Variants in PRKD2 observed in about 807,000 individuals in gnomAD.
PRKD2 encodes the protein protein kinase D2, also known as serine/threonine-protein kinase D2.
In PRKD2, 22 loss-of-function variants were observed where a neutral mutation model predicts 86.0. That is an observed-to-expected ratio of 0.26 (90% CI 0.18 to 0.37). The LOEUF (loss-of-function observed/expected upper bound fraction) is 0.37, where lower values mean the gene tolerates loss of function less well. PRKD2 is among the 10% of genes least tolerant of loss of function. The pLI is 1.00. For synonymous variants in PRKD2, 509 were observed against 510.9 expected (o/e 1.00, Z 0.05); for missense variants, 818 against 1,199.2 (o/e 0.68, Z 4.70).
Position 46,678,690 on chromosome 19 carries a change from C to T in PRKD2, c.2071-27G>A. The T allele has an allele frequency of 1.3e-6, 2 of 1,592,212 alleles. No individual in the cohort carries two copies. The highest frequency in any genetic ancestry group is 1.7e-6 in the Non-Finnish European group (2 of 1,173,846). ...TGCAGAGGGCAAGGGATGGAGGCTC[C>T]ACCAGGTGATGGAGCCGCACCCACC... On this transcript the variant is annotated intron_variant, in intron 15 of 17. Coordinates refer to ENST00000291281, the MANE Select transcript of PRKD2 (RefSeq NM_016457.5). The surrounding 1 kb of genome is among the most constrained non-coding windows in gnomAD (Gnocchi z 5.7).
chr19:46,704,758 C>A lies in PRKD2; in HGVS notation c.512-109G>T, dbSNP rs539907611. 1.2e-5 allele frequency: 17 copies of A among 1,368,898 alleles called. No homozygotes were observed. In the African/African-American group the frequency reaches 1.9e-4, roughly 15 times the overall value. 84.8% of individuals were successfully genotyped at this position (1,368,898 alleles called of 1,614,324 possible). On this transcript the variant is annotated intron_variant, in intron 3 of 17. Coordinates refer to ENST00000291281, the MANE Select transcript of PRKD2 (RefSeq NM_016457.5). ...TCTCTCACCTGGTCCTGTCCCATCA[C>A]CCCCCGCCAGCACGATCTCCTCCAA...
At chr19:46,681,534 G>T in intron 15 of PRKD2, 116 bp downstream of exon 15, 1 of 721,990 alleles carries the variant, frequency 1.4e-6, no homozygotes, top group Non-Finnish European at 2.3e-6. Flanking sequence ...CTGATTACAG[G>T]CAAGAGCCAC....
At chr19:46,715,862 CCCTT>C (rs2053874200) in intron 1 of PRKD2, among the ~76,000 whole-genome samples, 1 of 152,070 alleles carries the variant, frequency 6.6e-6, no homozygotes, top group Non-Finnish European at 1.5e-5. Flanking sequence ...GCTGGCCCCT[CCCTT>C]CCTCCCTGTT....
intron 9 of PRKD2, among the ~76,000 whole-genome samples, chr19:46,694,767 CAT>C (rs1359798908): frequency 6.6e-6 from 1 of 151,904 alleles, no homozygotes; most frequent in Non-Finnish European, 1.5e-5. Flanking sequence ...GGTGCCTGGA[CAT>C]AGTAAAAGCT....
In PRKD2 at chr19:46,704,239, T is replaced by A. The variant is rs147377997; in HGVS notation, c.819A>T (p.Thr273=). 10 of 1,613,990 alleles carry A rather than the reference T, an allele frequency of 6.2e-6. No individual in the cohort carries two copies. In the African/African-American group the frequency reaches 1.3e-4, roughly 22 times the overall value. Residue 273 remains threonine, a synonymous_variant, in exon 5 of 18, where the codon ACA becomes ACT. Coordinates refer to ENST00000291281, the MANE Select transcript of PRKD2 (RefSeq NM_016457.5). The stretch of plus-strand genomic sequence containing the variant: ...TGCAAGCCTGGCAAACGGTGGGCCG[T>A]GTATAGCTGTGGATGAGGAAGGTGT... The part of the protein sequence containing the change: ...VPHTFLIHSY[T]RPTVCQACKK...
At chr19:46,680,946 A>ATATATATATATATATATATTTTTTT in intron 15 of PRKD2, among the ~76,000 whole-genome samples, 3 of 48,234 alleles carry the variant, frequency 6.2e-5, no homozygotes, top group Admixed American at 3.1e-4. Flanking sequence ...ATATATATAT[A>ATATATATATATATATATATTTTTTT]TTTTTTTTTT....
intron 16 of PRKD2, among the ~76,000 whole-genome samples, chr19:46,676,200 G>A (rs549653416): frequency 2.0e-5 from 3 of 152,218 alleles, no homozygotes; most frequent in Non-Finnish European, 2.9e-5. Context: ...AGGCCGAGGC[G>A]GGTGGATCAC....
chr19:46,689,471 T>G, intron 14 of PRKD2, 66 bp downstream of exon 14: 1 of 1,523,732 alleles, frequency 6.6e-7, no homozygotes, highest in Non-Finnish European at 8.8e-7. Flanking sequence ...CCCCTAGGCA[T>G]ACAGGGCCTC....
chr19:46,704,607 G>C lies in PRKD2; in HGVS notation c.554C>G (p.Pro185Arg). 6.2e-7 allele frequency: 1 copy of C among 1,613,654 alleles called. No homozygotes were observed. The highest frequency in any genetic ancestry group is 8.5e-7 in the Non-Finnish European group (1 of 1,179,766). ...TTTGCGGGCCCCACTACAGTTGTTG[G>C]GGATGCTGAAGGCACAGCGCTTGTG... ...NYHKRCAFSI[P>R]NNCSGARKRR... Residue 185 changes from proline to arginine, a missense_variant, in exon 4 of 18, where the codon CCC (proline) becomes CGC (arginine). Physicochemically the swap from Pro to Arg is moderately radical, Grantham distance 103. Transcript: ENST00000291281.
At chr19:46,688,172 G>A (rs1451794847) in intron 14 of PRKD2, among the ~76,000 whole-genome samples, 1 of 152,110 alleles carries the variant, frequency 6.6e-6, no homozygotes, top group African/African-American at 2.4e-5. Flanking sequence ...TTACGGGCAT[G>A]AGCCAGCCTG....
rs571866850 is a variant in PRKD2, at chr19:46,706,623, T to C, written c.512-1974A>G. On this transcript the variant is annotated intron_variant, in intron 3 of 17. Coordinates refer to ENST00000291281, the MANE Select transcript of PRKD2 (RefSeq NM_016457.5). ...GTCATTTGGGGTTCTCTTGCCACCATAGGAACTGGGACCATCATCTGTGAT... is the reference window on the plus strand; with the variant it reads ...GTCATTTGGGGTTCTCTTGCCACCACAGGAACTGGGACCATCATCTGTGAT... Among the ~76,000 whole-genome samples the C allele has an allele frequency of 2.0e-4, 31 of 152,274 alleles. No homozygotes were observed. In the South Asian group the frequency reaches 5.6e-3, roughly 27 times the overall value.
chr19:46,675,238 C>T lies in PRKD2; in HGVS notation c.2339-120G>A, dbSNP rs1367566359. 3.9e-6 allele frequency: 3 copies of T among 777,618 alleles called. No homozygotes were observed. In the African/African-American group the frequency reaches 5.2e-5, roughly 13 times the overall value. 48.2% of individuals were successfully genotyped at this position (777,618 alleles called of 1,614,324 possible). On this transcript the variant is annotated intron_variant, in intron 16 of 17. Transcript: ENST00000291281. ...CTTCCTTCTGCACCAGCTCAGGTGGCTCAGAAGCCTCACCTGTGCCAATCA... is the reference window on the plus strand; with the variant it reads ...CTTCCTTCTGCACCAGCTCAGGTGGTTCAGAAGCCTCACCTGTGCCAATCA...
intron 14 of PRKD2, among the ~76,000 whole-genome samples, chr19:46,682,544 A>T (rs911849726): frequency 6.6e-6 from 1 of 152,168 alleles, no homozygotes; most frequent in Non-Finnish European, 1.5e-5. Context: ...TCAGAATCAT[A>T]GAACCATTTA....
intron 5 of PRKD2, among the ~76,000 whole-genome samples, chr19:46,703,958 A>AACAACACACAC (rs1555830816): frequency 0.027 from 3,645 of 133,642 alleles, 199 homozygotes; most frequent in African/African-American, 0.1. Context: ...AAACAACAAC[A>AACAACACACAC]ACACACACAC....
At chr19:46,714,115 C>A (rs1012162213) in intron 1 of PRKD2, 114 bp from the exon 2 acceptor site, 99 of 1,440,922 alleles carry the variant, frequency 6.9e-5, no homozygotes, top group Non-Finnish European at 8.7e-5. Flanking sequence ...AACGCAGAGA[C>A]CCCGCAGGCC....
intron 3 of PRKD2, among the ~76,000 whole-genome samples, chr19:46,705,902 G>C (rs117579506): frequency 1.3e-5 from 2 of 151,984 alleles, no homozygotes; most frequent in Non-Finnish European, 2.9e-5. Flanking sequence ...CTGTACCCCC[G>C]GCTGAAGCAC....
intron 16 of PRKD2, among the ~76,000 whole-genome samples, chr19:46,677,685 G>T (rs1025437504): frequency 6.6e-5 from 10 of 152,252 alleles, no homozygotes; most frequent in Non-Finnish European, 1.0e-4. Context: ...CACTTCATCA[G>T]GCCCAGCCAC....
At chr19:46,708,982 T>TTTTG (rs1555831887) in intron 3 of PRKD2, among the ~76,000 whole-genome samples, 3 of 140,248 alleles carry the variant, frequency 2.1e-5, no homozygotes. Context: ...GTTTTTTTTT[T>TTTTG]TTTTTTTTTT....
At position 46,689,594 on chromosome 19, in the gene PRKD2, G is replaced by C; in HGVS notation, c.1914C>G (p.Ile638Met). ...EKLHGDMLEMILSSEKGRLPE... is the reference protein window; with the variant it reads ...EKLHGDMLEMMLSSEKGRLPE... Reference sequence around the variant, plus strand: ...GCAGCCGGCCCTTCTCACTGGACAGGATCATCTCCAACATGTCCCCATGCA... The same window carrying C: ...GCAGCCGGCCCTTCTCACTGGACAGCATCATCTCCAACATGTCCCCATGCA... The change falls in exon 14 of 18, where the codon ATC (isoleucine) becomes ATG (methionine). Residue 638 changes from isoleucine (I) to methionine (M), a missense_variant. By Grantham distance (10) the Ile-to-Met change is conservative. Coordinates refer to ENST00000291281, the MANE Select transcript of PRKD2 (RefSeq NM_016457.5). The C allele has an allele frequency of 6.2e-7, 1 of 1,613,994 alleles. No homozygotes were observed. The highest frequency in any genetic ancestry group is 8.5e-7 in the Non-Finnish European group (1 of 1,179,986).
Sources: allele counts gnomAD v4.1 joint callset (sites outside exome capture counted in the v4.1 genomes callset), GRCh38; gene constraint gnomAD v4.1.1; non-coding constraint Gnocchi (gnomAD v3.1); transcripts MANE v1.5; gene names NCBI Gene and HGNC (gene_info 2026-07-23, HGNC 2026-07-21).